The following TGFA variants were observed in gnomAD, a reference collection of about 807,000 sequenced individuals.
TGFA encodes transforming growth factor alpha.
A neutral mutation model predicts 21.7 loss-of-function variants in TGFA; 12 were observed. The ratio of observed to expected loss-of-function variants is 0.55; its 90% CI spans 0.35 to 0.90. The LOEUF (loss-of-function observed/expected upper bound fraction) is 0.90, where lower values mean the gene tolerates loss of function less well. Ranked by LOEUF, TGFA falls within the 40% of genes least tolerant of loss-of-function variation. TGFA has a pLI of 0.01. For missense variants in TGFA, 178 were observed against 210.8 expected (o/e 0.84, Z 0.96); for synonymous variants, 79 against 88.1 (o/e 0.90, Z 0.58).
At position 70,510,551 on chromosome 2, in the gene TGFA, C is replaced by CA. The variant is rs543342413; in HGVS notation, c.94+4307dup. On this transcript the variant is annotated intron_variant, in intron 2 of 5. Coordinates refer to ENST00000295400, the MANE Select transcript of TGFA (RefSeq NM_003236.4). ...AAAACTAACTTGCCCAGTGACTGGA[C>CA]AAAAAAACTCAAAAAAACCCTCAGA... is the stretch of plus-strand genomic sequence containing the variant. Among the ~76,000 whole-genome samples the CA allele has an allele frequency of 1.6e-4, 25 of 152,030 alleles. No individual in the cohort carries two copies. The East Asian group carries it at 4.6e-3, about 28-fold the overall frequency.
intron 5 of TGFA, among the ~76,000 whole-genome samples, chr2:70,451,376 G>A (rs1368643871): frequency 6.6e-6 from 1 of 152,220 alleles, no homozygotes; most frequent in Non-Finnish European, 1.5e-5. Flanking sequence ...GCCTGGACAT[G>A]TCTCTAGGTC....
chr2:70,469,029 A>C (rs1229186931), intron 2 of TGFA, among the ~76,000 whole-genome samples: 1 of 152,132 alleles, frequency 6.6e-6, no homozygotes, highest in East Asian at 1.9e-4. Flanking sequence ...CATGTTCAAA[A>C]AGGCTTTTGA....
intron 2 of TGFA, among the ~76,000 whole-genome samples, chr2:70,472,129 G>C (rs148137566): frequency 6.6e-6 from 1 of 151,956 alleles, no homozygotes; most frequent in Non-Finnish European, 1.5e-5. Flanking sequence ...TTTAAAAAAA[G>C]AATCACTTAG....
chr2:70,510,279 A>G (rs915082508), intron 2 of TGFA, among the ~76,000 whole-genome samples: 29 of 152,230 alleles, frequency 1.9e-4, no homozygotes, highest in Non-Finnish European at 4.1e-4. Flanking sequence ...AAAAGCATCT[A>G]GTTCCAAGAA....
intron 2 of TGFA, among the ~76,000 whole-genome samples, chr2:70,497,495 T>C: frequency 6.6e-6 from 1 of 152,180 alleles, no homozygotes; most frequent in East Asian, 1.9e-4. Flanking sequence ...CTTCACCTAC[T>C]ATATGGGAGG....
At chr2:70,504,515 C>T (rs903995662) in intron 2 of TGFA, among the ~76,000 whole-genome samples, 1 of 144,294 alleles carries the variant, frequency 6.9e-6, no homozygotes, top group South Asian at 2.2e-4. Context: ...CACACACACA[C>T]ACAGAAGATT....
At chr2:70,496,142 G>C (rs782688949) in intron 2 of TGFA, among the ~76,000 whole-genome samples, 4 of 152,170 alleles carry the variant, frequency 2.6e-5, no homozygotes, top group Non-Finnish European at 5.9e-5. Context: ...CTGGGGGAAG[G>C]AGGTGGTGTT....
intron 1 of TGFA, among the ~76,000 whole-genome samples, chr2:70,534,823 C>T (rs897900384): frequency 4.6e-5 from 7 of 152,162 alleles, no homozygotes; most frequent in Non-Finnish European, 5.9e-5. Context: ...AGTCTGGCTG[C>T]ATTTAGCCCA....
At chr2:70,494,446 T>G (rs1553498075) in intron 2 of TGFA, among the ~76,000 whole-genome samples, 1 of 152,234 alleles carries the variant, frequency 6.6e-6, no homozygotes, top group East Asian at 1.9e-4. Context: ...CTGATAAGTA[T>G]CTGGCTGCAA....
chr2:70,529,611 A>T (rs1198085864), intron 1 of TGFA, among the ~76,000 whole-genome samples: 5 of 151,600 alleles, frequency 3.3e-5, no homozygotes, highest in Non-Finnish European at 7.4e-5. Context: ...GTCCTAGAAA[A>T]GAGCAGGTGG....
At position 70,450,839 on chromosome 2, in the gene TGFA, A is replaced by G. The variant is rs1553489498; in HGVS notation, c.*20T>C. On this transcript the variant is annotated 3_prime_UTR_variant, in exon 6 of 6. Coordinates refer to ENST00000295400, the MANE Select transcript of TGFA (RefSeq NM_003236.4). ...TTGATCTGCCACAGTCCACCTGGCC[A>G]AACTCCTCCTCTGGGCTCTTCAGAC... 6.2e-7 allele frequency: 1 copy of G among 1,609,344 alleles called. No individual in the cohort carries two copies.
chr2:70,481,190 T>G (rs1671110116), intron 2 of TGFA, among the ~76,000 whole-genome samples: 1 of 152,196 alleles, frequency 6.6e-6, no homozygotes, highest in African/African-American at 2.4e-5. Flanking sequence ...TTGGAGGTAC[T>G]CACAGCTAAC....
chr2:70,503,581 A>AG (rs1559123401), intron 2 of TGFA, among the ~76,000 whole-genome samples: 1 of 147,446 alleles, frequency 6.8e-6, no homozygotes, highest in East Asian at 2.0e-4. Context: ...AATAATAATA[A>AG]TAAAAAAAAA....
intron 1 of TGFA, among the ~76,000 whole-genome samples, chr2:70,532,679 A>T (rs1574139582): frequency 6.6e-6 from 1 of 152,134 alleles, no homozygotes; most frequent in African/African-American, 2.4e-5. Context: ...ACTCAGAGAA[A>T]CTGCCCATCC....
intron 2 of TGFA, among the ~76,000 whole-genome samples, chr2:70,480,506 G>C (rs1671080760): frequency 1.3e-5 from 2 of 152,178 alleles, no homozygotes. Flanking sequence ...TCCAAGGGTA[G>C]ATTGGACTAA....
At chr2:70,485,145 T>C (rs1671231602) in intron 2 of TGFA, among the ~76,000 whole-genome samples, 1 of 152,162 alleles carries the variant, frequency 6.6e-6, no homozygotes, top group Admixed American at 6.5e-5. Context: ...TGGTAAGTCT[T>C]GTTTATAGCA....
chr2:70,502,425 C>T (rs1350540407), intron 2 of TGFA, among the ~76,000 whole-genome samples: 2 of 152,140 alleles, frequency 1.3e-5, no homozygotes, highest in Admixed American at 6.5e-5. Context: ...CTGCAACCTT[C>T]GCTTCCCGGG....
chr2:70,470,834 T>C (rs1364427569), intron 2 of TGFA, among the ~76,000 whole-genome samples: 3 of 152,152 alleles, frequency 2.0e-5, no homozygotes, highest in Non-Finnish European at 4.4e-5. Flanking sequence ...TGGATTATCA[T>C]TAGAAGGTTG....
intron 2 of TGFA, among the ~76,000 whole-genome samples, chr2:70,471,704 G>A (rs1203638929): frequency 1.3e-5 from 2 of 152,062 alleles, no homozygotes; most frequent in Admixed American, 1.3e-4. Context: ...CTAAGTGCTG[G>A]GGGCTTTCCT....
Sources: gnomAD v4.1 joint callset for allele counts (sites outside exome capture counted in the v4.1 genomes callset) on GRCh38, gnomAD v4.1.1 for gene constraint, MANE v1.5 for transcripts, NCBI Gene and HGNC (gene_info 2026-07-23, HGNC 2026-07-21) for gene names.